ZNF708: variants seen among roughly 807,000 people sequenced by gnomAD.
The protein encoded by ZNF708 is zinc finger protein 708, also known as ZNF15, ZNF15L1.
In ZNF708, 44 loss-of-function variants were observed where a neutral mutation model predicts 47.0. That is an observed-to-expected ratio of 0.94 (90% confidence interval 0.74 to 1.20). ZNF708 has a LOEUF of 1.20. Ranked by LOEUF, ZNF708 falls within the 50% of genes most tolerant of loss-of-function variation. The pLI is 0.00. For missense variants in ZNF708, 557 were observed against 656.0 expected, an observed-to-expected ratio of 0.85 and a Z score of 1.65; for synonymous variants, 184 against 218.5, an observed-to-expected ratio of 0.84 and a Z score of 1.39.
intron 1 of ZNF708, among the ~76,000 whole-genome samples, chr19:21,322,185 A>C (rs1269523807): frequency 6.6e-6 from 1 of 152,176 alleles, no homozygotes; most frequent in Non-Finnish European, 1.5e-5. Flanking sequence ...CCTGGGAATA[A>C]GTGTGGACAC....
At chr19:21,309,600 C>T (rs1220084675) in intron 2 of ZNF708, among the ~76,000 whole-genome samples, 2 of 151,960 alleles carry the variant, frequency 1.3e-5, no homozygotes, top group East Asian at 1.9e-4. Flanking sequence ...CCTAGCTACT[C>T]GGGAGGCTGA....
intron 3 of ZNF708, among the ~76,000 whole-genome samples, chr19:21,295,251 G>C (rs1264603384): frequency 1.3e-5 from 2 of 152,170 alleles, no homozygotes; most frequent in South Asian, 2.1e-4. Flanking sequence ...TACAGCAGCA[G>C]AGACTGCAGT....
intron 1 of ZNF708, among the ~76,000 whole-genome samples, chr19:21,321,108 T>G (rs1311238192): frequency 6.6e-6 from 1 of 151,884 alleles, no homozygotes; most frequent in Non-Finnish European, 1.5e-5. Context: ...GCCACTGCAC[T>G]CCAGCCTGGG....
chr19:21,317,972 C>G (rs531206202), intron 1 of ZNF708, among the ~76,000 whole-genome samples: 24 of 152,292 alleles, frequency 1.6e-4, no homozygotes, highest in African/African-American at 5.8e-4. Context: ...CAATGGCTCT[C>G]TATGTTCTGA....
intron 3 of ZNF708, among the ~76,000 whole-genome samples, chr19:21,301,622 AAAAC>A (rs1326180253): frequency 3.3e-5 from 5 of 151,220 alleles, no homozygotes; most frequent in African/African-American, 7.3e-5. Context: ...TCTCAAAAAT[AAAAC>A]AAACAAACAA....
Position 21,293,797 on chromosome 19 carries a change from T to C in ZNF708, c.1169A>G (p.Lys390Arg). 6.2e-7 allele frequency: 1 copy of C among 1,613,650 alleles called. No individual in the cohort carries two copies. Among genetic ancestry groups the C allele is most frequent in the Non-Finnish European group, 8.5e-7 (1 of 1,179,870 alleles). ...ACCACATTCTTCACATTTGTAGGGT[T>C]TCTCTCCAGTATGAATTACCTTATG... Reference protein sequence around the residue: ...TNHKVIHTGEKPYKCEECGKA... With the variant: ...TNHKVIHTGERPYKCEECGKA... The change falls in exon 4 of 4, where the codon AAA becomes AGA. Residue 390 changes from lysine (K) to arginine (R), a missense_variant. By Grantham distance (26) the Lys-to-Arg change is conservative. Transcript: ENST00000356929.
chr19:21,328,980 C>A (rs11669790), intron 1 of ZNF708, among the ~76,000 whole-genome samples: 21,148 of 152,190 alleles, frequency 0.14, 1,970 homozygotes, highest in Non-Finnish European at 0.21. Flanking sequence ...GAGAGGGCTG[C>A]AGGCCAGGGC....
chr19:21,301,719 C>G (rs1046344726), intron 3 of ZNF708, among the ~76,000 whole-genome samples: 1 of 152,094 alleles, frequency 6.6e-6, no homozygotes, highest in African/African-American at 2.4e-5. Flanking sequence ...ATCACTTGAA[C>G]TCGGGAGGTG....
chr19:21,291,768 G>A lies in ZNF708; in HGVS notation c.*1506C>T, dbSNP rs1972399199. 1 of 152,180 alleles carries A rather than the reference G, an allele frequency of 6.6e-6. No homozygotes were observed. Among genetic ancestry groups the A allele is most frequent in the African/African-American group, 2.4e-5 (1 of 41,414 alleles). The allele number at this position is 152,180 out of a possible 1,614,324, so 9.4% of individuals were successfully genotyped here. On this transcript the variant is annotated 3_prime_UTR_variant, in exon 4 of 4. Coordinates refer to ENST00000356929, the MANE Select transcript of ZNF708 (RefSeq NM_021269.3). ...TAATCTCAGCTACTCAGTAGGCTGAGGCAGGAGAATTGCTTGAACCCAGGA... is the reference window on the plus strand; with the variant it reads ...TAATCTCAGCTACTCAGTAGGCTGAAGCAGGAGAATTGCTTGAACCCAGGA...
intron 1 of ZNF708, among the ~76,000 whole-genome samples, chr19:21,311,739 G>A (rs73926973): frequency 0.026 from 4,026 of 152,138 alleles, 168 homozygotes; most frequent in African/African-American, 0.091. Flanking sequence ...AGAGATGCGG[G>A]AAAAACACGC....
chr19:21,316,133 CTTT>C (rs544312163), intron 1 of ZNF708, among the ~76,000 whole-genome samples: 8 of 105,486 alleles, frequency 7.6e-5, no homozygotes, highest in Admixed American at 1.3e-4. Context: ...TTTCTTTTTT[CTTT>C]TTTTTTTTTT....
At position 21,329,381 on chromosome 19, in the gene ZNF708, G is replaced by A; in HGVS notation, c.-169C>T. ...AAAGGCCGCGCCAAACCCGGAAGCC[G>A]CCCTGTCCGGTCCAGCTGCGTGTCT... On this transcript the variant is annotated 5_prime_UTR_variant, in exon 1 of 4. Transcript: ENST00000356929. The A allele has an allele frequency of 2.0e-6, 2 of 1,016,630 alleles. No individual in the cohort carries two copies. Among genetic ancestry groups the A allele is most frequent in the Non-Finnish European group, 2.9e-6 (2 of 680,040 alleles). The allele number at this position is 1,016,630 out of a possible 1,614,324, so 63.0% of individuals were successfully genotyped here.
intron 3 of ZNF708, among the ~76,000 whole-genome samples, chr19:21,297,139 A>G (rs2997225): frequency 8.0e-5 from 12 of 150,476 alleles, no homozygotes; most frequent in African/African-American, 2.7e-4. Flanking sequence ...TCTCAAAAAA[A>G]ATGAATAAAT....
intron 1 of ZNF708, among the ~76,000 whole-genome samples, chr19:21,328,944 C>G (rs1973316146): frequency 6.6e-6 from 1 of 152,182 alleles, no homozygotes; most frequent in African/African-American, 2.4e-5. Flanking sequence ...GGGAGAGGCG[C>G]GGCGCTGCCG....
At position 21,292,033 on chromosome 19, in the gene ZNF708, CTTAGT is replaced by C. The variant is rs1215269630; in HGVS notation, c.*1236_*1240del. The C allele has an allele frequency of 1.3e-5, 2 of 151,882 alleles. No individual in the cohort carries two copies. Among genetic ancestry groups the C allele is most frequent in the Non-Finnish European group, 2.9e-5 (2 of 68,020 alleles). The allele number at this position is 151,882 out of a possible 1,614,324, so 9.4% of individuals were successfully genotyped here. On this transcript the variant is annotated 3_prime_UTR_variant, in exon 4 of 4. Transcript: ENST00000356929. ...AGTGTAATGTCTGAAGCATCCATAC[CTTAGT>C]TTGTTTGTTTTTGAGATGGAGTCTC...
chr19:21,329,355 CA>C lies in ZNF708; in HGVS notation c.-144del, dbSNP rs1215917379. The C allele has an allele frequency of 7.4e-7, 1 of 1,353,978 alleles. No individual in the cohort carries two copies. Among genetic ancestry groups the C allele is most frequent in the African/African-American group, 1.5e-5 (1 of 68,788 alleles). 83.9% of individuals were successfully genotyped at this position (1,353,978 alleles called of 1,614,324 possible). A position where few individuals can be genotyped will look rare whatever the true frequency, so the allele number is the denominator to read the frequency against. On this transcript the variant is annotated 5_prime_UTR_variant, in exon 1 of 4. Coordinates refer to ENST00000356929, the MANE Select transcript of ZNF708 (RefSeq NM_021269.3). ...CCGGAGCTCCGGCTGCAGCAAGAGA[CA>C]AAGGCCGCGCCAAACCCGGAAGCCG... is the stretch of plus-strand genomic sequence containing the variant.
At chr19:21,294,936 T>G (rs1293975593) in intron 3 of ZNF708, among the ~76,000 whole-genome samples, 197 bp from the exon 4 acceptor site, 4 of 152,190 alleles carry the variant, frequency 2.6e-5, no homozygotes, top group Non-Finnish European at 4.4e-5. Context: ...AAGTAAAGTC[T>G]GTGCAGTGCC....
intron 1 of ZNF708, among the ~76,000 whole-genome samples, chr19:21,324,644 T>C (rs1255312230): frequency 6.6e-6 from 1 of 152,154 alleles, no homozygotes; most frequent in East Asian, 1.9e-4. Context: ...GGTGCTTATA[T>C]TTCATATCTC....
At chr19:21,329,166 A>G (rs1283844438) in intron 1 of ZNF708, 44 bp downstream of exon 1, 1 of 1,610,852 alleles carries the variant, frequency 6.2e-7, no homozygotes, top group South Asian at 1.1e-5. Context: ...CACAGGTTTC[A>G]ACCAGCCCTT....
Sources: allele counts gnomAD v4.1 joint callset (sites outside exome capture counted in the v4.1 genomes callset), GRCh38; gene constraint gnomAD v4.1.1; transcripts MANE v1.5; gene names NCBI Gene and HGNC (gene_info 2026-07-23, HGNC 2026-07-21).